Variants in NFIX observed in about 807,000 individuals in gnomAD.
NFIX encodes nuclear factor I X, also known as nuclear factor 1 X-type.
A neutral mutation model predicts 53.3 loss-of-function variants in NFIX; 2 were observed. The ratio of observed to expected loss-of-function variants is 0.04; its 90% CI spans 0.02 to 0.12. The LOEUF is 0.12. Among genes scored for constraint, NFIX ranks in the 10% least tolerant of loss-of-function variants. The probability of loss-of-function intolerance (pLI) is 1.00; values close to 1 mark genes in which losing one functional copy is unlikely to be tolerated. For missense variants in NFIX, 310 were observed against 674.5 expected (o/e 0.46, Z 5.99); for synonymous variants, 244 against 289.0 (o/e 0.84, Z 1.58).
Position 13,002,311 on chromosome 19 carries a change from T to C in NFIX, c.27+6447T>C, listed in dbSNP as rs1231388124. Among the ~76,000 whole-genome samples the C allele has an allele frequency of 1.3e-5, 2 of 151,480 alleles. No homozygotes were observed. The highest frequency in any genetic ancestry group is 4.9e-5 in the African/African-American group (2 of 41,162). On this transcript the variant is annotated intron_variant, in intron 1 of 10. Transcript: ENST00000592199. This position sits in a 1 kb window ranked among gnomAD's most constrained non-coding sequence, Gnocchi z 6.1. ...CTTGGCTCCGTCTGAATATCTCTCCTCCTCGATTTTTGGCTCCAGCTCTGG... is the reference window on the plus strand; with the variant it reads ...CTTGGCTCCGTCTGAATATCTCTCCCCCTCGATTTTTGGCTCCAGCTCTGG...
At chr19:13,034,687 A>G (rs2014056492) in intron 2 of NFIX, among the ~76,000 whole-genome samples, 1 of 152,192 alleles carries the variant, frequency 6.6e-6, no homozygotes, top group Admixed American at 6.5e-5. Flanking sequence ...GTTTTACAAT[A>G]ATCTGCTACT....
At chr19:13,087,363 G>A (rs945825744) in intron 8 of NFIX, among the ~76,000 whole-genome samples, 1 of 152,160 alleles carries the variant, frequency 6.6e-6, no homozygotes, top group African/African-American at 2.4e-5. Flanking sequence ...TGGCAGCGAT[G>A]GATTTTCTTC....
chr19:13,023,981 A>T, intron 1 of NFIX: 1 of 1,164,744 alleles, frequency 8.6e-7, no homozygotes, highest in Non-Finnish European at 1.1e-6. Context: ...AACTCTTTTG[A>T]GTCCAGAATC....
chr19:13,065,170 C>CA (rs1288907074), intron 2 of NFIX, among the ~76,000 whole-genome samples: 1 of 152,152 alleles, frequency 6.6e-6, no homozygotes, highest in Admixed American at 6.5e-5. Flanking sequence ...ATAGGGTATC[C>CA]ACAGTGGTAG....
chr19:13,064,364 T>C (rs1028971263), intron 2 of NFIX, among the ~76,000 whole-genome samples: 2 of 152,182 alleles, frequency 1.3e-5, no homozygotes, highest in Non-Finnish European at 2.9e-5. Context: ...CTCTCTGTAT[T>C]CCAAGGCTGG....
At chr19:13,034,060 CG>C (rs1442575323) in intron 2 of NFIX, among the ~76,000 whole-genome samples, 1 of 152,154 alleles carries the variant, frequency 6.6e-6, no homozygotes, top group African/African-American at 2.4e-5. Context: ...CAGAAGGGGC[CG>C]GCTTCTAGGT....
At chr19:13,074,809 C>G (rs2145438863) in intron 5 of NFIX, among the ~76,000 whole-genome samples, 1 of 151,332 alleles carries the variant, frequency 6.6e-6, no homozygotes, top group East Asian at 1.9e-4. Flanking sequence ...GTGGCTCACG[C>G]CTGTAATCCC....
At chr19:13,057,242 A>G (rs2015758116) in intron 2 of NFIX, among the ~76,000 whole-genome samples, 1 of 152,158 alleles carries the variant, frequency 6.6e-6, no homozygotes, top group Non-Finnish European at 1.5e-5. Flanking sequence ...TCCCCCACCA[A>G]TGACAAGTTC....
intron 8 of NFIX, among the ~76,000 whole-genome samples, chr19:13,084,516 A>G (rs1161393931): frequency 1.3e-5 from 2 of 152,224 alleles, no homozygotes; most frequent in Non-Finnish European, 2.9e-5. Flanking sequence ...GGGCACACCT[A>G]TAGCCATGGC....
intron 1 of NFIX, among the ~76,000 whole-genome samples, chr19:13,007,156 C>T (rs1231570921): frequency 6.6e-6 from 1 of 152,082 alleles, no homozygotes; most frequent in Non-Finnish European, 1.5e-5. Context: ...TAATGGCTCA[C>T]CATTTTTGGC....
intron 2 of NFIX, among the ~76,000 whole-genome samples, chr19:13,062,763 C>T (rs1384151894): frequency 2.6e-5 from 4 of 152,198 alleles, no homozygotes; most frequent in Admixed American, 6.5e-5. Context: ...GTCCATGAGC[C>T]CAGGGTCAGT....
rs2193519 is a variant in NFIX at position 13,066,652 on chromosome 19, G to T, written c.560-6395G>T. 1 allele frequency among the ~76,000 whole-genome samples: 152,081 copies of T among 152,310 alleles called. 75,927 individuals are homozygous for T. Among genetic ancestry groups the T allele is most frequent in the East Asian group, 1 (5,184 of 5,184 alleles). On this transcript the variant is annotated intron_variant, in intron 2 of 10. Transcript: ENST00000592199. This position sits in a 1 kb window ranked among gnomAD's most constrained non-coding sequence, Gnocchi z 4.2. ...GGGCTCTGCTTCTTGTTCAGGCTCC[G>T]GCTTTAAACCATGTGAGACTCTAGG...
intron 2 of NFIX, among the ~76,000 whole-genome samples, chr19:13,034,806 G>T (rs2014065937): frequency 6.6e-6 from 1 of 152,068 alleles, no homozygotes; most frequent in Non-Finnish European, 1.5e-5. Context: ...ACTAAGGCTG[G>T]GTTCAGGGAG....
chr19:13,055,992 G>A (rs989180341), intron 2 of NFIX, among the ~76,000 whole-genome samples: 1 of 152,226 alleles, frequency 6.6e-6, no homozygotes, highest in Admixed American at 6.5e-5. Context: ...TGAGTGGTCT[G>A]TGGGGAGGCC....
intron 2 of NFIX, among the ~76,000 whole-genome samples, chr19:13,032,719 G>C (rs1339910997): frequency 6.6e-6 from 1 of 152,156 alleles, no homozygotes. Flanking sequence ...CCCACAGCTT[G>C]TTTTGGACTT....
At position 13,003,742 on chromosome 19, in the gene NFIX, G is replaced by A. The variant is rs538550538; in HGVS notation, c.27+7878G>A. 2.6e-5 allele frequency among the ~76,000 whole-genome samples: 4 copies of A among 151,934 alleles called. No homozygotes were observed. The South Asian group carries it at 6.2e-4, about 24-fold the overall frequency. The stretch of plus-strand genomic sequence containing the variant: ...CAGCCCTGACCTCCCAAGCTCAAAC[G>A]ATCTACCCATCTCAGCCTCCTGAGT... On this transcript the variant is annotated intron_variant, in intron 1 of 10. Coordinates refer to ENST00000592199, the MANE Select transcript of NFIX (RefSeq NM_001365902.3).
intron 8 of NFIX, among the ~76,000 whole-genome samples, chr19:13,086,612 C>T (rs1177607762): frequency 6.6e-6 from 1 of 152,136 alleles, no homozygotes; most frequent in African/African-American, 2.4e-5. Flanking sequence ...TCCACCCAGC[C>T]CCTCCAGCCT....
At chr19:13,046,896 C>T (rs1368291883) in intron 2 of NFIX, among the ~76,000 whole-genome samples, 1 of 152,096 alleles carries the variant, frequency 6.6e-6, no homozygotes, top group Non-Finnish European at 1.5e-5. Flanking sequence ...GGTCAGAGTT[C>T]CAGACTCTTG....
Position 13,094,471 on chromosome 19 carries a change from G to T in NFIX, c.1495-164G>T, listed in dbSNP as rs2018322295. On this transcript the variant is annotated intron_variant, in intron 10 of 10. Coordinates refer to ENST00000592199, the MANE Select transcript of NFIX (RefSeq NM_001365902.3). The surrounding 1 kb of genome is among the most constrained non-coding windows in gnomAD (Gnocchi z 4.3). ...CTCGCAGGAGGGAGGGAGAGAATGG[G>T]GATGCCCTTTCTTCTCCATGGGAAC... Among the ~76,000 whole-genome samples, 1 of 152,144 alleles carries T rather than the reference G, an allele frequency of 6.6e-6. No homozygotes were observed. The highest frequency in any genetic ancestry group is 2.1e-4 in the South Asian group (1 of 4,824).
Sources: gnomAD v4.1 joint callset for allele counts (sites outside exome capture counted in the v4.1 genomes callset) on GRCh38, gnomAD v4.1.1 for gene constraint, Gnocchi (gnomAD v3.1) non-coding constraint, MANE v1.5 for transcripts, NCBI Gene and HGNC (gene_info 2026-07-23, HGNC 2026-07-21) for gene names.